RBFOX1: variants seen among roughly 807,000 people sequenced by gnomAD.
The protein encoded by RBFOX1 is RNA binding fox-1 homolog 1.
RBFOX1 carries 8 observed loss-of-function variants against 57.7 expected under a neutral mutation model. The ratio of observed to expected loss-of-function variants is 0.14; its 90% CI spans 0.08 to 0.25. The LOEUF is 0.25. RBFOX1 is among the 10% of genes least tolerant of loss of function. The pLI is 1.00. For missense variants in RBFOX1, 611 were observed against 548.5 expected, an observed-to-expected ratio of 1.11 and a Z score of -1.14; for synonymous variants, 326 against 222.4, an observed-to-expected ratio of 1.47 and a Z score of -4.15.
intron 6 of RBFOX1, among the ~76,000 whole-genome samples, chr16:7,582,039 C>T (rs112973437): frequency 1.9e-4 from 15 of 80,774 alleles, no homozygotes; most frequent in Middle Eastern, 5.6e-3. Flanking sequence ...CCCCCCCCCC[C>T]TTTTTTTTGT....
In RBFOX1 at chr16:7,223,328, A is replaced by C. The variant is rs192467762; in HGVS notation, c.27+171230A>C. 1.8e-3 allele frequency among the ~76,000 whole-genome samples: 270 copies of C among 152,332 alleles called. 3 individuals are homozygous for C. The highest frequency in any genetic ancestry group is 0.015 in the Admixed American group (229 of 15,296). On this transcript the variant is annotated intron_variant, in intron 4 of 15. Transcript: ENST00000550418. ...AGAGCATGTAAATGATTTTTCCGTGAGGATAGAATTTGACAGTCAGTGCTA... is the reference window on the plus strand; with the variant it reads ...AGAGCATGTAAATGATTTTTCCGTGCGGATAGAATTTGACAGTCAGTGCTA...
At chr16:5,461,145 C>T (rs1033681894) in intron 1 of RBFOX1, among the ~76,000 whole-genome samples, 1 of 152,142 alleles carries the variant, frequency 6.6e-6, no homozygotes, top group Non-Finnish European at 1.5e-5. Context: ...AAAGCCAGCT[C>T]CCAAGGTGAC....
In RBFOX1 at chr16:5,523,061, G is replaced by A. The variant is rs564959848; in HGVS notation, c.258+55807G>A. On this transcript the variant is annotated intron_variant, in intron 2 of 2. Transcript: ENST00000585867. ...CCAGTACTTTGGGAGGCTGAGCTGGGTGGATCACAAGGTCAGGAGTTCGAG... is the reference window on the plus strand; with the variant it reads ...CCAGTACTTTGGGAGGCTGAGCTGGATGGATCACAAGGTCAGGAGTTCGAG... Among the ~76,000 whole-genome samples the A allele has an allele frequency of 4.6e-5, 7 of 152,158 alleles. No homozygotes were observed. In the South Asian group the frequency reaches 1.5e-3, roughly 32 times the overall value.
Position 7,710,859 on chromosome 16 carries a change from T to C in RBFOX1, c.*114T>C. Reference sequence around the variant, plus strand: ...TTAGCAACTCTAAAAAAAAAAAAAATACAAATAAAAAGGAAAAAAAATTAC... The same window carrying C: ...TTAGCAACTCTAAAAAAAAAAAAAACACAAATAAAAAGGAAAAAAAATTAC... On this transcript the variant is annotated 3_prime_UTR_variant, in exon 16 of 16. Coordinates refer to ENST00000550418, the MANE Select transcript of RBFOX1 (RefSeq NM_018723.4). The C allele has an allele frequency of 1.1e-6, 1 of 946,684 alleles. No homozygotes were observed. Among genetic ancestry groups the C allele is most frequent in the South Asian group, 4.0e-5 (1 of 25,030 alleles). 58.6% of individuals were successfully genotyped at this position (946,684 alleles called of 1,614,324 possible).
intron 3 of RBFOX1, among the ~76,000 whole-genome samples, chr16:5,695,543 G>C (rs2050819968): frequency 6.6e-6 from 1 of 152,194 alleles, no homozygotes; most frequent in Non-Finnish European, 1.5e-5. Context: ...GATGATGCCA[G>C]TCAAAATAAT....
chr16:5,865,264 C>T (rs562881351), intron 3 of RBFOX1, among the ~76,000 whole-genome samples: 19 of 152,270 alleles, frequency 1.2e-4, no homozygotes, highest in Middle Eastern at 3.4e-3. Context: ...GATAATGTAG[C>T]CCAGGGATCT....
intron 3 of RBFOX1, among the ~76,000 whole-genome samples, chr16:6,798,119 T>C (rs1461242400): frequency 6.6e-6 from 1 of 152,076 alleles, no homozygotes; most frequent in Non-Finnish European, 1.5e-5. Flanking sequence ...CTAGCACGCA[T>C]TTAATAAATA....
chr16:6,794,614 G>A (rs79371923), intron 3 of RBFOX1, among the ~76,000 whole-genome samples: 189 of 152,160 alleles, frequency 1.2e-3, no homozygotes, highest in African/African-American at 4.4e-3. Context: ...ATAAATCATG[G>A]AATAGTTTCT....
intron 3 of RBFOX1, among the ~76,000 whole-genome samples, chr16:7,013,320 T>A (rs973192976): frequency 1.3e-5 from 2 of 152,204 alleles, no homozygotes; most frequent in Non-Finnish European, 2.9e-5. Flanking sequence ...CTCAGTGTTC[T>A]GCTCATGTTA....
intron 4 of RBFOX1, among the ~76,000 whole-genome samples, chr16:7,235,195 G>A: frequency 6.6e-6 from 1 of 152,170 alleles, no homozygotes; most frequent in East Asian, 1.9e-4. Flanking sequence ...GCTTTAAAAT[G>A]TTGACATTCC....
intron 3 of RBFOX1, among the ~76,000 whole-genome samples, chr16:6,900,143 T>G (rs1174570126): frequency 6.6e-6 from 1 of 152,098 alleles, no homozygotes; most frequent in Non-Finnish European, 1.5e-5. Context: ...TTATTGCTGG[T>G]GGTGGTGGTG....
At chr16:7,382,699 C>T (rs1156985984) in intron 4 of RBFOX1, among the ~76,000 whole-genome samples, 4 of 152,266 alleles carry the variant, frequency 2.6e-5, no homozygotes, top group Middle Eastern at 3.4e-3. Flanking sequence ...AGGATAGTCA[C>T]CTAATTAAAA....
At chr16:7,660,317 T>G (rs2067393186) in intron 12 of RBFOX1, among the ~76,000 whole-genome samples, 2 of 152,230 alleles carry the variant, frequency 1.3e-5, no homozygotes, top group Non-Finnish European at 2.9e-5. Flanking sequence ...CAAGTACCTT[T>G]GCATGGCTAG....
intron 3 of RBFOX1, among the ~76,000 whole-genome samples, chr16:5,757,951 A>G (rs567938887): frequency 1.3e-5 from 2 of 152,216 alleles, no homozygotes; most frequent in South Asian, 4.2e-4. Flanking sequence ...GCTGACCCTG[A>G]CTCACTGTGA....
chr16:6,503,974 A>G (rs1299694110), intron 2 of RBFOX1, among the ~76,000 whole-genome samples: 1 of 152,200 alleles, frequency 6.6e-6, no homozygotes, highest in African/African-American at 2.4e-5. Context: ...TTCAAGATAC[A>G]TGTAGTCTCT....
At chr16:6,344,767 T>C (rs1400563661) in intron 2 of RBFOX1, among the ~76,000 whole-genome samples, 1 of 143,936 alleles carries the variant, frequency 6.9e-6, no homozygotes. Context: ...CTCGGCTTAC[T>C]GCAACCTCCA....
intron 4 of RBFOX1, among the ~76,000 whole-genome samples, chr16:7,159,113 C>G (rs1601415867): frequency 6.6e-6 from 1 of 152,052 alleles, no homozygotes; most frequent in African/African-American, 2.4e-5. Context: ...TGGTATCATA[C>G]AGGATGTAAC....
chr16:5,494,563 G>T (rs2042938607), intron 2 of RBFOX1, among the ~76,000 whole-genome samples: 1 of 152,212 alleles, frequency 6.6e-6, no homozygotes, highest in South Asian at 2.1e-4. Flanking sequence ...GCAAGAGGGA[G>T]GTCTTGGCTG....
At chr16:5,736,519 C>T (rs1393321208) in intron 3 of RBFOX1, among the ~76,000 whole-genome samples, 3 of 152,128 alleles carry the variant, frequency 2.0e-5, no homozygotes, top group Admixed American at 1.3e-4. Context: ...GAGGGCTCGC[C>T]ACCCTGTTTC....
Sources: gnomAD v4.1 joint callset for allele counts (sites outside exome capture counted in the v4.1 genomes callset) on GRCh38, gnomAD v4.1.1 for gene constraint, MANE v1.5 for transcripts, NCBI Gene and HGNC (gene_info 2026-07-23, HGNC 2026-07-21) for gene names.